The following PPM1A variants were observed in gnomAD, a reference collection of about 807,000 sequenced individuals.
PPM1A encodes protein phosphatase, Mg2+/Mn2+ dependent 1A, also known as protein phosphatase 1A.
In PPM1A, 7 loss-of-function variants were observed where a neutral mutation model predicts 35.0. The observed-to-expected ratio is 0.20, with a 90% CI of 0.11 to 0.38. PPM1A has a LOEUF of 0.38. PPM1A is among the 10% of genes least tolerant of loss of function. PPM1A has a pLI of 1.00. For synonymous variants in PPM1A, 153 were observed against 167.3 expected (o/e 0.91, Z 0.66); for missense variants, 239 against 467.8 (o/e 0.51, Z 4.51).
At position 60,292,921 on chromosome 14, in the gene PPM1A, G is replaced by A. The variant is rs886406026; in HGVS notation, c.*439G>A. ...TGGACTTGGGGTTGGAACAGGGAGAGCAGCAGCCATGTCAGCTACACGCTC... is the reference window on the plus strand; with the variant it reads ...TGGACTTGGGGTTGGAACAGGGAGAACAGCAGCCATGTCAGCTACACGCTC... On this transcript the variant is annotated 3_prime_UTR_variant, in exon 6 of 6. Coordinates refer to ENST00000395076, the MANE Select transcript of PPM1A (RefSeq NM_021003.5). This position sits in a 1 kb window ranked among gnomAD's most constrained non-coding sequence, Gnocchi z 4.2. 1 of 153,842 alleles carries A rather than the reference G, an allele frequency of 6.5e-6. No individual in the cohort carries two copies. Among genetic ancestry groups the A allele is most frequent in the African/African-American group, 2.4e-5 (1 of 41,428 alleles). 9.5% of individuals were successfully genotyped at this position (153,842 alleles called of 1,614,324 possible).
At chr14:60,245,837 T>G (rs372877033), upstream of PPM1A, 7 of 1,571,440 alleles carry the variant, frequency 4.5e-6, no homozygotes, top group South Asian at 2.4e-5. The surrounding 1 kb of genome is among the most constrained non-coding windows in gnomAD (Gnocchi z 4.2). Context: ...TTAGGGGCAC[T>G]GTCTGCTCGC....
intron 1 of PPM1A, among the ~76,000 whole-genome samples, chr14:60,275,875 T>C (rs1036058260): frequency 6.8e-6 from 1 of 147,830 alleles, no homozygotes; most frequent in African/African-American, 2.5e-5. Flanking sequence ...ACAGATTTGC[T>C]ACAGTTTTGT....
chr14:60,260,179 A>G (rs1178026348), intron 1 of PPM1A, among the ~76,000 whole-genome samples: 2 of 152,040 alleles, frequency 1.3e-5, no homozygotes, highest in South Asian at 2.1e-4. Flanking sequence ...AGTTGGTTCA[A>G]TTGGTTGATT....
At chr14:60,258,951 TC>T (rs1472511865) in intron 1 of PPM1A, among the ~76,000 whole-genome samples, 3 of 152,118 alleles carry the variant, frequency 2.0e-5, no homozygotes, top group African/African-American at 7.2e-5. Context: ...TAAGGATAGA[TC>T]TGTTTCCTCA....
chr14:60,275,047 ATTTC>A (rs1201521963), intron 1 of PPM1A, among the ~76,000 whole-genome samples: 3 of 143,618 alleles, frequency 2.1e-5, no homozygotes, highest in African/African-American at 5.2e-5. Context: ...AAAATTTTAG[ATTTC>A]TTTCTTTTCT....
At chr14:60,285,955 C>G in intron 3 of PPM1A, 2 of 1,241,688 alleles carry the variant, frequency 1.6e-6, no homozygotes, top group Non-Finnish European at 2.0e-6. Flanking sequence ...TGGAAAGTAA[C>G]CCACATTCTG....
chr14:60,266,940 C>T (rs1297808102), intron 1 of PPM1A, among the ~76,000 whole-genome samples: 1 of 151,998 alleles, frequency 6.6e-6, no homozygotes, highest in African/African-American at 2.4e-5. Flanking sequence ...TATTCTGAAG[C>T]CCTCTTCTTA....
At chr14:60,262,023 A>T (rs548208237) in intron 1 of PPM1A, among the ~76,000 whole-genome samples, 1 of 152,212 alleles carries the variant, frequency 6.6e-6, no homozygotes, top group African/African-American at 2.4e-5. Context: ...TACTGCCTAC[A>T]ATATCTTATA....
rs1351975818 is a variant in PPM1A at position 60,292,516 on chromosome 14, C to T, written c.*34C>T. 2 of 1,559,124 alleles carry T rather than the reference C, an allele frequency of 1.3e-6. No homozygotes were observed. Among genetic ancestry groups the T allele is most frequent in the South Asian group, 2.2e-5 (2 of 89,464 alleles). ...ATCTAGCCATGGAGTTTACCTTCACCTCCAAAGGAGAGTACAGCTCAACTT... is the reference window on the plus strand; with the variant it reads ...ATCTAGCCATGGAGTTTACCTTCACTTCCAAAGGAGAGTACAGCTCAACTT... On this transcript the variant is annotated 3_prime_UTR_variant, in exon 6 of 6. Transcript: ENST00000395076. The surrounding 1 kb of genome is among the most constrained non-coding windows in gnomAD (Gnocchi z 4.2).
At chr14:60,279,292 G>A (rs1261378912) in intron 1 of PPM1A, among the ~76,000 whole-genome samples, 1 of 151,978 alleles carries the variant, frequency 6.6e-6, no homozygotes, top group African/African-American at 2.4e-5. Context: ...CTAATTTTTT[G>A]TATTAATAGA....
At chr14:60,265,686 G>A (rs1000624779) in intron 1 of PPM1A, among the ~76,000 whole-genome samples, 1 of 152,204 alleles carries the variant, frequency 6.6e-6, no homozygotes, top group African/African-American at 2.4e-5. Flanking sequence ...TCTTGGTTCT[G>A]AGGGTGGTAA....
intron 1 of PPM1A, among the ~76,000 whole-genome samples, chr14:60,271,135 C>T (rs1324909977): frequency 1.3e-5 from 2 of 152,180 alleles, no homozygotes; most frequent in Non-Finnish European, 2.9e-5. Flanking sequence ...AGCCTCATCA[C>T]TTGCCTGGTA....
intron 1 of PPM1A, among the ~76,000 whole-genome samples, chr14:60,274,476 A>G (rs546001037): frequency 6.6e-6 from 1 of 152,042 alleles, no homozygotes; most frequent in African/African-American, 2.4e-5. Context: ...TAAAAGTCAC[A>G]CTCCAACTGA....
intron 1 of PPM1A, among the ~76,000 whole-genome samples, chr14:60,265,191 GAC>G (rs896869816): frequency 3.3e-5 from 5 of 152,172 alleles, no homozygotes; most frequent in African/African-American, 9.7e-5. Context: ...CCAAGAATAA[GAC>G]ACAAACTAAG....
intron 1 of PPM1A, among the ~76,000 whole-genome samples, chr14:60,259,563 AT>A (rs1883513711): frequency 6.6e-6 from 1 of 152,052 alleles, no homozygotes; most frequent in African/African-American, 2.4e-5. Context: ...TCAGTTTTGG[AT>A]AACTTGGATA....
At chr14:60,262,550 G>C (rs1477507339) in intron 1 of PPM1A, among the ~76,000 whole-genome samples, 2 of 152,128 alleles carry the variant, frequency 1.3e-5, no homozygotes, top group Non-Finnish European at 2.9e-5. Flanking sequence ...GCTGGACGTG[G>C]TGGCACATCT....
Position 60,249,720 on chromosome 14 carries a change from C to T in PPM1A, c.-21+43C>T. 1 of 974,380 alleles carries T rather than the reference C, an allele frequency of 1.0e-6. No homozygotes were observed. Among genetic ancestry groups the T allele is most frequent in the Non-Finnish European group, 1.2e-6 (1 of 821,478 alleles). The allele number at this position is 974,380 out of a possible 1,614,324, so 60.4% of individuals were successfully genotyped here. On this transcript the variant is annotated intron_variant, in intron 1 of 5. Transcript: ENST00000395076. The surrounding 1 kb of genome is among the most constrained non-coding windows in gnomAD (Gnocchi z 4.5). The stretch of plus-strand genomic sequence containing the variant: ...GCCGACGGCGGGCTGGCGGGCGGTG[C>T]GGGCCTGCGCGGCGGCGGCGGCGGG...
chr14:60,262,603 G>A (rs1046701619), intron 1 of PPM1A, among the ~76,000 whole-genome samples: 1 of 152,198 alleles, frequency 6.6e-6, no homozygotes, highest in South Asian at 2.1e-4. Flanking sequence ...AGGATCACCT[G>A]AGCCCAGGAG....
upstream of PPM1A, among the ~76,000 whole-genome samples, chr14:60,246,610 T>A (rs559684586): frequency 6.6e-6 from 1 of 152,326 alleles, no homozygotes; most frequent in South Asian, 2.1e-4. Context: ...AGAAGAGAAC[T>A]TTCAATCCTC....
Sources: allele counts gnomAD v4.1 joint callset (sites outside exome capture counted in the v4.1 genomes callset), GRCh38; gene constraint gnomAD v4.1.1; non-coding constraint Gnocchi (gnomAD v3.1); transcripts MANE v1.5; gene names NCBI Gene and HGNC (gene_info 2026-07-23, HGNC 2026-07-21).